Variants in CDK13 observed in about 807,000 individuals in gnomAD.
The protein encoded by CDK13 is cyclin-dependent kinase 13.
In CDK13, 40 loss-of-function variants were observed where a neutral mutation model predicts 137.6. That is an observed-to-expected ratio of 0.29 (90% CI 0.23 to 0.38). CDK13 has a LOEUF of 0.38. CDK13 is among the 10% of genes least tolerant of loss of function. The pLI is 1.00. For missense variants in CDK13, 1,704 were observed against 1,951.8 expected (o/e 0.87, Z 2.39); for synonymous variants, 869 against 760.1 (o/e 1.14, Z -2.36).
At chr7:39,976,315 T>A (rs1209570615) in intron 1 of CDK13, among the ~76,000 whole-genome samples, 12 of 68,612 alleles carry the variant, frequency 1.7e-4, no homozygotes, top group South Asian at 6.7e-4. Context: ...TCTCTCTCTC[T>A]CTCTCTCTCA....
chr7:40,003,190 A>ACTCT (rs1562722925), intron 5 of CDK13, among the ~76,000 whole-genome samples: 4 of 98,328 alleles, frequency 4.1e-5, no homozygotes, highest in African/African-American at 1.1e-4. Context: ...ACACACACAC[A>ACTCT]CACACACACA....
intron 6 of CDK13, 112 bp from the exon 7 acceptor site, chr7:40,047,709 A>C (rs1401136530): frequency 2.9e-6 from 2 of 680,896 alleles, no homozygotes; most frequent in East Asian, 2.5e-5. Context: ...AGCAGAGTTA[A>C]AGTTTACATA....
chr7:39,991,768 G>A (rs1216438442), intron 2 of CDK13, among the ~76,000 whole-genome samples: 2 of 152,054 alleles, frequency 1.3e-5, no homozygotes, highest in Non-Finnish European at 2.9e-5. Context: ...CTCAGCAGGT[G>A]TGGTGGCTCA....
Position 40,031,689 on chromosome 7 carries a change from A to G in CDK13, c.2354-14147A>G, listed in dbSNP as rs73392720. Among the ~76,000 whole-genome samples, 947 of 151,986 alleles carry G rather than the reference A, an allele frequency of 6.2e-3. 13 individuals are homozygous for G. Among genetic ancestry groups the G allele is most frequent in the African/African-American group, 0.021 (874 of 41,450 alleles). ...GAGACAGGATCTCGCTCTGTCATCC[A>G]CGCTGGAGTGTGGTGGCACAATCAT... On this transcript the variant is annotated intron_variant, in intron 5 of 13. Transcript: ENST00000181839.
intron 5 of CDK13, among the ~76,000 whole-genome samples, chr7:40,025,918 T>C (rs1702769261): frequency 6.6e-6 from 1 of 152,142 alleles, no homozygotes; most frequent in Non-Finnish European, 1.5e-5. Context: ...GTGAAGCAAT[T>C]TTTTTTGTTG....
At chr7:40,042,477 CTTTTTTTTTTT>C (rs5883713) in intron 5 of CDK13, among the ~76,000 whole-genome samples, 8 of 76,148 alleles carry the variant, frequency 1.1e-4, no homozygotes, top group East Asian at 6.9e-4. Context: ...TCTTTTCTTT[CTTTTTTTTTTT>C]TTTTTTTTTT....
rs984447171 is a variant in CDK13, at chr7:40,098,689, T to C, written c.*3709T>C. The C allele has an allele frequency of 1.3e-5, 2 of 152,082 alleles. No individual in the cohort carries two copies. Among genetic ancestry groups the C allele is most frequent in the African/African-American group, 4.8e-5 (2 of 41,444 alleles). 9.4% of individuals were successfully genotyped at this position (152,082 alleles called of 1,614,324 possible). A position where few individuals can be genotyped will look rare whatever the true frequency, so the allele number is the denominator to read the frequency against. ...GAAACTTTGGCAGCTGGATTGCCTG[T>C]GCTTGTTCCTCTAAGCCATACCTAA... On this transcript the variant is annotated 3_prime_UTR_variant, in exon 14 of 14. Transcript: ENST00000181839.
chr7:39,983,518 T>C (rs1224466599), intron 1 of CDK13, among the ~76,000 whole-genome samples: 1 of 152,242 alleles, frequency 6.6e-6, no homozygotes, highest in East Asian at 1.9e-4. Context: ...GAATGAATTG[T>C]GTTGGGATTT....
At chr7:40,001,434 C>A (rs551556753) in intron 4 of CDK13, among the ~76,000 whole-genome samples, 1 of 152,100 alleles carries the variant, frequency 6.6e-6, no homozygotes, top group East Asian at 1.9e-4. Flanking sequence ...CCAGGCTGAT[C>A]TCGAACTCCT....
chr7:40,006,576 G>C (rs1784800054), intron 5 of CDK13, among the ~76,000 whole-genome samples: 1 of 152,078 alleles, frequency 6.6e-6, no homozygotes. Context: ...CACTTTGGTT[G>C]GCTGAGGCGG....
rs764348114 is a variant in CDK13 at position 39,988,025 on chromosome 7, G to A, written c.1638G>A (p.Thr546=). Reference sequence around the variant, plus strand: ...AAACAAAGCCACCTCTTCAGGTAACGAAGGTGGAAAATAATTTGATTGTAG... The same window carrying A: ...AAACAAAGCCACCTCTTCAGGTAACAAAGGTGGAAAATAATTTGATTGTAG... ...KAKTKPPLQV[T]KVENNLIVDK... is the part of the protein sequence containing the mutation. The change falls in exon 2 of 14, where the codon ACG becomes ACA. Residue 546 remains threonine, a synonymous_variant. Transcript: ENST00000181839. 7.4e-6 allele frequency: 12 copies of A among 1,613,916 alleles called. No homozygotes were observed. In the African/African-American group the frequency reaches 8.0e-5, roughly 11 times the overall value.
chr7:40,033,108 A>G (rs1785413819), intron 5 of CDK13, among the ~76,000 whole-genome samples: 1 of 152,146 alleles, frequency 6.6e-6, no homozygotes, highest in South Asian at 2.1e-4. Context: ...TGTGTGAGCC[A>G]CCATGTTTGG....
chr7:40,005,390 A>G (rs994892764), intron 5 of CDK13, among the ~76,000 whole-genome samples: 1 of 151,600 alleles, frequency 6.6e-6, no homozygotes, highest in African/African-American at 2.4e-5. Flanking sequence ...CTCAGATTCA[A>G]GCTATTCTCG....
intron 1 of CDK13, among the ~76,000 whole-genome samples, chr7:39,971,929 G>A (rs761518450): frequency 6.6e-6 from 1 of 152,092 alleles, no homozygotes. Flanking sequence ...GCCCCACACG[G>A]TTAGAAAAAT....
intron 5 of CDK13, among the ~76,000 whole-genome samples, chr7:40,017,282 T>C (rs1785024002): frequency 6.6e-6 from 1 of 152,116 alleles, no homozygotes; most frequent in Non-Finnish European, 1.5e-5. Context: ...TAAATCTATG[T>C]GTATTTGTTT....
chr7:39,951,076 A>G lies in CDK13; in HGVS notation c.435A>G (p.Glu145=). Reference sequence around the variant, plus strand: ...GCGGGGGTGTGACCCCGCTGGTGGAATACGAGGATGTGAGCTCCCAGTCCG... The same window carrying G: ...GCGGGGGTGTGACCCCGCTGGTGGAGTACGAGGATGTGAGCTCCCAGTCCG... ...SSGGGVTPLV[E]YEDVSSQSEQ... Residue 145 remains glutamate (E), a synonymous_variant, in exon 1 of 14, where the codon GAA becomes GAG. Transcript: ENST00000181839. The G allele has an allele frequency of 7.9e-7, 1 of 1,269,878 alleles. No homozygotes were observed. The highest frequency in any genetic ancestry group is 2.9e-5 in the South Asian group (1 of 34,158). The allele number at this position is 1,269,878 out of a possible 1,614,324, so 78.7% of individuals were successfully genotyped here. A position where few individuals can be genotyped will look rare whatever the true frequency, so the allele number is the denominator to read the frequency against.
At chr7:40,070,959 A>G (rs1786408873) in intron 9 of CDK13, 1 of 152,204 alleles carries the variant, frequency 6.6e-6, no homozygotes, top group Admixed American at 6.5e-5. Context: ...TTGAAAGTAG[A>G]TTAGAATTAA....
chr7:39,952,516 T>C (rs1183884803), intron 1 of CDK13: 1 of 152,230 alleles, frequency 6.6e-6, no homozygotes, highest in Non-Finnish European at 1.5e-5. Context: ...GTCATAATTA[T>C]AGAAGGTAGA....
chr7:40,082,881 C>T (rs549735397), intron 11 of CDK13, among the ~76,000 whole-genome samples: 1 of 151,676 alleles, frequency 6.6e-6, no homozygotes, highest in African/African-American at 2.4e-5. Flanking sequence ...CAGGTGGATC[C>T]CTTGAGCCCA....
Sources: allele counts gnomAD v4.1 joint callset (sites outside exome capture counted in the v4.1 genomes callset), GRCh38; gene constraint gnomAD v4.1.1; transcripts MANE v1.5; gene names NCBI Gene and HGNC (gene_info 2026-07-23, HGNC 2026-07-21).